The following SSX2IP variants were observed in gnomAD, a reference collection of about 807,000 sequenced individuals.
SSX2IP encodes afadin- and alpha-actinin-binding protein.
In SSX2IP, 55 loss-of-function variants were observed where a neutral mutation model predicts 84.9. That is an observed-to-expected ratio of 0.65 (90% CI 0.52 to 0.81). SSX2IP has a LOEUF of 0.81. SSX2IP is among the 30% of genes least tolerant of loss of function. SSX2IP has a pLI of 0.00. For missense variants in SSX2IP, 664 were observed against 705.2 expected, an observed-to-expected ratio of 0.94 and a Z score of 0.66; for synonymous variants, 239 against 234.7, an observed-to-expected ratio of 1.02 and a Z score of -0.17.
chr1:84,658,870 C>A (rs1327117296), intron 8 of SSX2IP, among the ~76,000 whole-genome samples: 1 of 152,188 alleles, frequency 6.6e-6, no homozygotes, highest in Non-Finnish European at 1.5e-5. Context: ...TGTTTCTAAT[C>A]CTAGGCTGCT....
In SSX2IP at chr1:84,643,734, C is replaced by T. The variant is rs1387844426; in HGVS notation, c.*3699G>A. 1 of 152,128 alleles carries T rather than the reference C, an allele frequency of 6.6e-6. No homozygotes were observed. Among genetic ancestry groups the T allele is most frequent in the Non-Finnish European group, 1.5e-5 (1 of 68,022 alleles). The allele number at this position is 152,128 out of a possible 1,614,324, so 9.4% of individuals were successfully genotyped here. The stretch of plus-strand genomic sequence containing the variant: ...GTTGTTTCATCAGTGTATTTCTCAT[C>T]AACAAATATTATGTGCTGTTAAGCA... On this transcript the variant is annotated 3_prime_UTR_variant, in exon 14 of 14. Coordinates refer to ENST00000342203, the MANE Select transcript of SSX2IP (RefSeq NM_001166293.2).
Position 84,670,641 on chromosome 1 carries a change from G to A in SSX2IP, c.213+5C>T. On this transcript the variant is annotated splice_donor_5th_base_variant and intron_variant, in intron 3 of 13. Coordinates refer to ENST00000342203, the MANE Select transcript of SSX2IP (RefSeq NM_001166293.2). The stretch of plus-strand genomic sequence containing the variant: ...ATGCTACTGTTTTTTACAAAAACAT[G>A]TTACCTGATCAAGATATGAGATACT... 2 of 1,571,422 alleles carry A rather than the reference G, an allele frequency of 1.3e-6. No individual in the cohort carries two copies. Among genetic ancestry groups the A allele is most frequent in the Non-Finnish European group, 1.7e-6 (2 of 1,156,826 alleles).
At chr1:84,670,594 A>G (rs1653430189) in intron 3 of SSX2IP, 52 bp downstream of exon 3, 2 of 1,261,638 alleles carry the variant, frequency 1.6e-6, no homozygotes, top group Admixed American at 2.3e-5. Flanking sequence ...ATTTTGATAC[A>G]TTCTATTATA....
chr1:84,649,917 C>T (rs760438676), intron 13 of SSX2IP: 3 of 534,174 alleles, frequency 5.6e-6, no homozygotes, highest in South Asian at 1.4e-5. Context: ...CTTTTTCACT[C>T]AACAGGAACA....
chr1:84,655,112 T>G (rs935787236), intron 11 of SSX2IP, among the ~76,000 whole-genome samples: 1 of 152,080 alleles, frequency 6.6e-6, no homozygotes, highest in Non-Finnish European at 1.5e-5. Context: ...GGACACAGAA[T>G]TCCTTATCTT....
chr1:84,689,036 T>G (rs945639712), intron 1 of SSX2IP, among the ~76,000 whole-genome samples: 3 of 152,172 alleles, frequency 2.0e-5, no homozygotes, highest in Admixed American at 1.3e-4. Flanking sequence ...AGCTATTAGC[T>G]TTCCTTACTT....
In SSX2IP at chr1:84,678,370, C is replaced by T. The variant is rs140008088; in HGVS notation, c.-89-7062G>A. Among the ~76,000 whole-genome samples the T allele has an allele frequency of 4.9e-4, 75 of 152,274 alleles. No individual in the cohort carries two copies. In the East Asian group the frequency reaches 8.3e-3, roughly 17 times the overall value. On this transcript the variant is annotated intron_variant, in intron 1 of 13. Coordinates refer to ENST00000342203, the MANE Select transcript of SSX2IP (RefSeq NM_001166293.2). Reference sequence around the variant, plus strand: ...CCTCCACCTGTGCTTCCTTCTTGCACGTATTTCAAAACTAATGCTTTTACA... The same window carrying T: ...CCTCCACCTGTGCTTCCTTCTTGCATGTATTTCAAAACTAATGCTTTTACA...
At position 84,671,199 on chromosome 1, in the gene SSX2IP, AAC is replaced by A; in HGVS notation, c.19_20del (p.Val7TyrfsTer54). MGDWMT[V>X]TDPGLSSESK... Reference sequence around the variant, plus strand: ...TACCTGAAGACAGACCTGGATCTGTAACAGTCATCCAATCTCCCATAGCAATC... The same window carrying A: ...TACCTGAAGACAGACCTGGATCTGTAAGTCATCCAATCTCCCATAGCAATC... On this transcript the variant is annotated frameshift_variant, in exon 2 of 14. Transcript: ENST00000342203. LOFTEE classifies it high-confidence loss of function. 2 of 1,611,808 alleles carry A rather than the reference AAC, an allele frequency of 1.2e-6. No homozygotes were observed. The highest frequency in any genetic ancestry group is 1.7e-6 in the Non-Finnish European group (2 of 1,178,814).
intron 1 of SSX2IP, among the ~76,000 whole-genome samples, chr1:84,680,538 T>C (rs1654931237): frequency 6.6e-6 from 1 of 152,214 alleles, no homozygotes; most frequent in African/African-American, 2.4e-5. Flanking sequence ...AAGTGCTCAA[T>C]AAATGCTAGC....
chr1:84,686,410 T>C (rs1043680792), intron 1 of SSX2IP, among the ~76,000 whole-genome samples: 4 of 152,196 alleles, frequency 2.6e-5, no homozygotes, highest in East Asian at 3.8e-4. Flanking sequence ...TCTTTGGCAC[T>C]TGACAGATAA....
intron 1 of SSX2IP, chr1:84,680,424 A>C (rs1444026077): frequency 6.6e-6 from 1 of 152,180 alleles, no homozygotes; most frequent in African/African-American, 2.4e-5. Context: ...ACCTCAAAAA[A>C]TTATGTGGTT....
At chr1:84,654,007 A>ATTTC (rs1373903990) in intron 11 of SSX2IP, among the ~76,000 whole-genome samples, 7 of 152,272 alleles carry the variant, frequency 4.6e-5, no homozygotes, top group African/African-American at 1.7e-4. Context: ...ACTGACCCTG[A>ATTTC]AAGGCCAGTT....
chr1:84,647,336 A>T lies in SSX2IP; in HGVS notation c.*97T>A. 1.9e-6 allele frequency: 2 copies of T among 1,070,320 alleles called. No homozygotes were observed. Among genetic ancestry groups the T allele is most frequent in the Non-Finnish European group, 2.6e-6 (2 of 761,438 alleles). The allele number at this position is 1,070,320 out of a possible 1,614,324, so 66.3% of individuals were successfully genotyped here. A position where few individuals can be genotyped will look rare whatever the true frequency, so the allele number is the denominator to read the frequency against. On this transcript the variant is annotated 3_prime_UTR_variant, in exon 14 of 14. Coordinates refer to ENST00000342203, the MANE Select transcript of SSX2IP (RefSeq NM_001166293.2). Reference sequence around the variant, plus strand: ...CCAAACAAACAACTCAGACCATCTTAAGTTATTAGAGATAACTGACTTTAT... The same window carrying T: ...CCAAACAAACAACTCAGACCATCTTTAGTTATTAGAGATAACTGACTTTAT...
intron 8 of SSX2IP, among the ~76,000 whole-genome samples, 197 bp downstream of exon 8, chr1:84,662,001 T>C (rs541831316): frequency 6.6e-6 from 1 of 152,242 alleles, no homozygotes; most frequent in East Asian, 1.9e-4. Context: ...CGGAAAATCA[T>C]CTCCAGCATT....
intron 4 of SSX2IP, among the ~76,000 whole-genome samples, chr1:84,667,749 G>C (rs1467091252): frequency 6.6e-6 from 1 of 152,062 alleles, no homozygotes; most frequent in Non-Finnish European, 1.5e-5. Context: ...ATTTACACAA[G>C]TCATATACTC....
intron 1 of SSX2IP, chr1:84,680,322 C>T (rs545716713): frequency 2.0e-5 from 3 of 152,312 alleles, no homozygotes; most frequent in East Asian, 1.9e-4. Context: ...TTCCAAACCC[C>T]GGCTTCTCCA....
chr1:84,662,610 A>C (rs1557491310), intron 6 of SSX2IP, 80 bp from the exon 7 acceptor site: 2 of 1,468,272 alleles, frequency 1.4e-6, no homozygotes, highest in East Asian at 4.6e-5. Flanking sequence ...TATACACGTA[A>C]GTGGTGAAAG....
rs1015395832 is a variant in SSX2IP at position 84,644,979 on chromosome 1, T to C, written c.*2454A>G. Reference sequence around the variant, plus strand: ...GACTGCAGATGCAAACATTTAATGGTGAACAAAATGTTTATCTCAATTTTT... The same window carrying C: ...GACTGCAGATGCAAACATTTAATGGCGAACAAAATGTTTATCTCAATTTTT... On this transcript the variant is annotated 3_prime_UTR_variant, in exon 14 of 14. Coordinates refer to ENST00000342203, the MANE Select transcript of SSX2IP (RefSeq NM_001166293.2). 4 of 152,224 alleles carry C rather than the reference T, an allele frequency of 2.6e-5. No homozygotes were observed. Among genetic ancestry groups the C allele is most frequent in the African/African-American group, 9.6e-5 (4 of 41,456 alleles). 9.4% of individuals were successfully genotyped at this position (152,224 alleles called of 1,614,324 possible). A position where few individuals can be genotyped will look rare whatever the true frequency, so the allele number is the denominator to read the frequency against.
intron 8 of SSX2IP, among the ~76,000 whole-genome samples, chr1:84,658,870 C>T (rs1327117296): frequency 6.6e-6 from 1 of 152,188 alleles, no homozygotes. Context: ...TGTTTCTAAT[C>T]CTAGGCTGCT....
Sources: gnomAD v4.1 joint callset for allele counts (sites outside exome capture counted in the v4.1 genomes callset) on GRCh38, gnomAD v4.1.1 for gene constraint, MANE v1.5 for transcripts, NCBI Gene and HGNC (gene_info 2026-07-23, HGNC 2026-07-21) for gene names.